The following COL19A1 variants were observed in gnomAD, a reference collection of about 807,000 sequenced individuals.
The protein encoded by COL19A1 is collagen alpha-1(XIX) chain.
In COL19A1, 159 loss-of-function variants were observed where a neutral mutation model predicts 190.2. The ratio of observed to expected loss-of-function variants is 0.84; its 90% CI spans 0.73 to 0.95. The LOEUF is 0.95. Among genes scored for constraint, COL19A1 ranks in the 40% least tolerant of loss-of-function variants. The pLI, the probability that COL19A1 is intolerant of heterozygous loss-of-function variation, is 0.00. For missense variants in COL19A1, 1,418 were observed against 1,431.9 expected (o/e 0.99, Z 0.16); for synonymous variants, 509 against 458.9 (o/e 1.11, Z -1.39).
At chr6:70,089,580 A>G (rs1054904190) in intron 15 of COL19A1, among the ~76,000 whole-genome samples, 1 of 152,196 alleles carries the variant, frequency 6.6e-6, no homozygotes, top group Non-Finnish European at 1.5e-5. Context: ...CATTAATCAT[A>G]CATATTAACT....
intron 46 of COL19A1, among the ~76,000 whole-genome samples, chr6:70,187,296 T>C (rs911928735): frequency 1.6e-4 from 25 of 152,112 alleles, no homozygotes; most frequent in African/African-American, 2.4e-5. Context: ...ATCCCGTGGG[T>C]ATATATTTAG....
chr6:70,024,537 C>T (rs915800805), intron 12 of COL19A1, among the ~76,000 whole-genome samples: 12 of 150,668 alleles, frequency 8.0e-5, no homozygotes, highest in South Asian at 4.2e-4. Flanking sequence ...ATCATTACAG[C>T]GGAAGAGAGG....
chr6:70,017,650 T>C (rs1778191544), intron 11 of COL19A1, among the ~76,000 whole-genome samples: 1 of 152,134 alleles, frequency 6.6e-6, no homozygotes, highest in Admixed American at 6.6e-5. Context: ...GACAGATCCC[T>C]GTGGAGCAGC....
intron 32 of COL19A1, 23 bp from the exon 33 acceptor site, chr6:70,156,293 T>C (rs1787433122): frequency 1.2e-6 from 2 of 1,613,312 alleles, no homozygotes; most frequent in East Asian, 4.5e-5. Flanking sequence ...TCCTCTCAGT[T>C]CTGTTCTTCC....
intron 6 of COL19A1, among the ~76,000 whole-genome samples, chr6:69,930,935 C>A (rs1772723431): frequency 6.6e-6 from 1 of 152,142 alleles, no homozygotes; most frequent in African/African-American, 2.4e-5. Context: ...CATGTGGATT[C>A]TTGGTTCATT....
chr6:70,006,537 A>G (rs1471850336), intron 11 of COL19A1, among the ~76,000 whole-genome samples: 1 of 152,108 alleles, frequency 6.6e-6, no homozygotes, highest in Non-Finnish European at 1.5e-5. Context: ...CACGCTTATT[A>G]TGGTTCTTTT....
intron 48 of COL19A1, among the ~76,000 whole-genome samples, chr6:70,193,043 T>G (rs1766980132): frequency 6.6e-6 from 1 of 151,968 alleles, no homozygotes; most frequent in Admixed American, 6.6e-5. Flanking sequence ...AGTCAGTAAT[T>G]AACCCATCTT....
At chr6:69,990,303 G>A (rs571998601) in intron 11 of COL19A1, among the ~76,000 whole-genome samples, 3 of 152,158 alleles carry the variant, frequency 2.0e-5, no homozygotes, top group Non-Finnish European at 4.4e-5. Flanking sequence ...ATCTGTAAAT[G>A]ATAAGGCTTT....
chr6:70,197,043 A>G (rs1003483550), intron 48 of COL19A1, among the ~76,000 whole-genome samples: 1 of 152,106 alleles, frequency 6.6e-6, no homozygotes, highest in African/African-American at 2.4e-5. Context: ...TCTAAACTCA[A>G]TTCATATATT....
chr6:70,078,856 C>T (rs1447218042), intron 15 of COL19A1, among the ~76,000 whole-genome samples: 3 of 152,144 alleles, frequency 2.0e-5, no homozygotes, highest in Admixed American at 2.0e-4. Context: ...AACTTGAGGT[C>T]AGGAGTTCGA....
At chr6:70,063,452 T>C (rs988981426) in intron 14 of COL19A1, among the ~76,000 whole-genome samples, 8 of 151,950 alleles carry the variant, frequency 5.3e-5, no homozygotes, top group African/African-American at 1.2e-4. Flanking sequence ...AGACACAACA[T>C]ACCAGAATCT....
At chr6:70,112,060 A>G (rs1220441472) in intron 16 of COL19A1, among the ~76,000 whole-genome samples, 1 of 152,160 alleles carries the variant, frequency 6.6e-6, no homozygotes, top group African/African-American at 2.4e-5. Context: ...GAATGTTATC[A>G]CCTAATTACA....
At chr6:69,969,186 T>C (rs1372263260) in intron 11 of COL19A1, among the ~76,000 whole-genome samples, 1 of 152,234 alleles carries the variant, frequency 6.6e-6, no homozygotes, top group East Asian at 1.9e-4. Flanking sequence ...TATAAAATCT[T>C]AATATTTTGA....
At position 70,068,505 on chromosome 6, in the gene COL19A1, A is replaced by G. The variant is rs376859070; in HGVS notation, c.1224+29A>G. ...AGTAAAGCTGGAACAACTGGTGGGCATTACTAACTTAGGGGATACTTATTT... is the reference window on the plus strand; with the variant it reads ...AGTAAAGCTGGAACAACTGGTGGGCGTTACTAACTTAGGGGATACTTATTT... On this transcript the variant is annotated intron_variant, in intron 15 of 50. Coordinates refer to ENST00000620364, the MANE Select transcript of COL19A1 (RefSeq NM_001858.6). The G allele has an allele frequency of 2.6e-5, 38 of 1,454,062 alleles. 1 individual carries two copies. The African/African-American group carries it at 4.0e-4, about 15-fold the overall frequency. 90.1% of individuals were successfully genotyped at this position (1,454,062 alleles called of 1,614,324 possible). A position where few individuals can be genotyped will look rare whatever the true frequency, so the allele number is the denominator to read the frequency against.
rs545633179 is a variant in COL19A1, at chr6:70,212,075, G to A, written c.*4801G>A. ...TAAGTTTATCAGAAGTGTGTGTATTGTGTGACCATACTAAGCTTCTGGGTG... is the reference window on the plus strand; with the variant it reads ...TAAGTTTATCAGAAGTGTGTGTATTATGTGACCATACTAAGCTTCTGGGTG... On this transcript the variant is annotated 3_prime_UTR_variant, in exon 51 of 51. Transcript: ENST00000620364. 3.5e-4 allele frequency among the ~76,000 whole-genome samples: 54 copies of A among 152,260 alleles called. No individual in the cohort carries two copies. Among genetic ancestry groups the A allele is most frequent in the South Asian group, 6.2e-4 (3 of 4,832 alleles).
chr6:70,063,833 A>T (rs1781000383), intron 14 of COL19A1, among the ~76,000 whole-genome samples: 4 of 152,230 alleles, frequency 2.6e-5, no homozygotes, highest in Admixed American at 1.3e-4. Flanking sequence ...CTACCATAAG[A>T]GAATACTATA....
intron 30 of COL19A1, among the ~76,000 whole-genome samples, chr6:70,150,967 A>T (rs1787021647): frequency 2.0e-5 from 3 of 152,164 alleles, no homozygotes; most frequent in Non-Finnish European, 4.4e-5. Context: ...ATGAGAAATA[A>T]CTTTAAGGCA....
chr6:70,036,646 G>T (rs1165214587), intron 14 of COL19A1, among the ~76,000 whole-genome samples: 1 of 151,848 alleles, frequency 6.6e-6, no homozygotes, highest in Non-Finnish European at 1.5e-5. Context: ...AAGCCTAATG[G>T]AAAAGAGGAC....
At chr6:70,060,614 C>T (rs1360056828) in intron 14 of COL19A1, among the ~76,000 whole-genome samples, 1 of 152,058 alleles carries the variant, frequency 6.6e-6, no homozygotes, top group Non-Finnish European at 1.5e-5. Flanking sequence ...ATCTAGGTTG[C>T]GTGCTGCTTA....
Sources: allele counts gnomAD v4.1 joint callset (sites outside exome capture counted in the v4.1 genomes callset), GRCh38; gene constraint gnomAD v4.1.1; transcripts MANE v1.5; gene names NCBI Gene and HGNC (gene_info 2026-07-23, HGNC 2026-07-21).